The following MYOM1 variants were observed in gnomAD, a reference collection of about 807,000 sequenced individuals.
The protein encoded by MYOM1 is myomesin 1.
Under a neutral mutation model 205.3 loss-of-function variants are expected in MYOM1, and 164 were observed. The observed-to-expected ratio is 0.80, with a 90% CI of 0.70 to 0.91. The LOEUF (loss-of-function observed/expected upper bound fraction) is 0.91, where lower values mean the gene tolerates loss of function less well. Among genes scored for constraint, MYOM1 ranks in the 40% least tolerant of loss-of-function variants. The probability of loss-of-function intolerance (pLI) is 0.00; values close to 1 mark genes in which losing one functional copy is unlikely to be tolerated. For missense variants in MYOM1, 2,011 were observed against 2,127.3 expected, an observed-to-expected ratio of 0.95 and a Z score of 1.08; for synonymous variants, 772 against 789.4, an observed-to-expected ratio of 0.98 and a Z score of 0.37.
At chr18:3,166,297 G>A (rs918827020) in intron 9 of MYOM1, among the ~76,000 whole-genome samples, 10 of 144,606 alleles carry the variant, frequency 6.9e-5, no homozygotes, top group African/African-American at 1.3e-4. Context: ...TTGAGGCGGC[G>A]TCTCAGTCTG....
intron 36 of MYOM1, among the ~76,000 whole-genome samples, chr18:3,073,437 C>T (rs1187795114): frequency 2.0e-5 from 3 of 152,232 alleles, no homozygotes; most frequent in African/African-American, 7.2e-5. Context: ...GTCTACAATT[C>T]CCTTCTCCAT....
the MYOM1 span, chr18:3,247,342 C>T: frequency 9.8e-5 from 15 of 152,328 alleles, no homozygotes; most frequent in Non-Finnish European, 2.2e-4. Context: ...GGCGGAGACC[C>T]AGACCCCGCG....
chr18:3,162,278 C>T (rs1258015871), intron 10 of MYOM1, among the ~76,000 whole-genome samples: 1 of 152,176 alleles, frequency 6.6e-6, no homozygotes, highest in Non-Finnish European at 1.5e-5. Context: ...TTTATCTGGC[C>T]TGTAGAACCC....
chr18:3,193,361 T>TACATATATATACACACACACAC lies in MYOM1; in HGVS notation c.431+456_431+457insGTGTGTGTGTGTATATATATGT, dbSNP rs1598758731. ...ATGTACATATACATATATATATATATACACACACACACACACACACAATAA... is the reference window on the plus strand; with the variant it reads ...ATGTACATATACATATATATATATATACATATATATACACACACACACACACACACACACACACACACAATAA... On this transcript the variant is annotated intron_variant, in intron 3 of 37. Coordinates refer to ENST00000356443, the MANE Select transcript of MYOM1 (RefSeq NM_003803.4). Among the ~76,000 whole-genome samples the TACATATATATACACACACACAC allele has an allele frequency of 1.0e-3, 140 of 135,874 alleles. 2 individuals are homozygous for TACATATATATACACACACACAC. The South Asian group carries it at 0.016, about 16-fold the overall frequency. The allele number at this position is 135,874 out of a possible 152,430, so 89.1% of individuals were successfully genotyped here.
Position 3,129,534 on chromosome 18 carries a change from C to A in MYOM1, c.2507-15G>T. On this transcript the variant is annotated splice_polypyrimidine_tract_variant and intron_variant, in intron 17 of 37. Coordinates refer to ENST00000356443, the MANE Select transcript of MYOM1 (RefSeq NM_003803.4). ...CACTCCTCCCCCTACAGTTGCCAGA[C>A]AACAACAGAAACGCATTGAGCCCGG... 1 of 1,587,930 alleles carries A rather than the reference C, an allele frequency of 6.3e-7. No individual in the cohort carries two copies. The highest frequency in any genetic ancestry group is 8.5e-7 in the Non-Finnish European group (1 of 1,170,802).
At chr18:3,140,493 T>C (rs1041629984) in intron 14 of MYOM1, among the ~76,000 whole-genome samples, 8 of 152,346 alleles carry the variant, frequency 5.3e-5, no homozygotes, top group Middle Eastern at 6.8e-3. Context: ...AATATTGTCT[T>C]TGTAAAACAA....
intron 5 of MYOM1, among the ~76,000 whole-genome samples, chr18:3,180,548 CTTG>C (rs2080714808): frequency 6.6e-6 from 1 of 152,284 alleles, no homozygotes; most frequent in South Asian, 2.1e-4. Flanking sequence ...TACTTCACAG[CTTG>C]TTATTTCTAG....
At chr18:3,170,007 A>G (rs2080533246) in intron 8 of MYOM1, among the ~76,000 whole-genome samples, 1 of 152,230 alleles carries the variant, frequency 6.6e-6, no homozygotes, top group African/African-American at 2.4e-5. Context: ...ACATAGATGG[A>G]ACTAGAGGAC....
chr18:3,091,516 T>TTTAAA (rs2079226523), intron 26 of MYOM1, among the ~76,000 whole-genome samples: 1 of 151,996 alleles, frequency 6.6e-6, no homozygotes, highest in South Asian at 2.1e-4. Flanking sequence ...AGAATAATAA[T>TTTAAA]TTAAATAAAA....
chr18:3,089,991 A>T (rs952162673), intron 27 of MYOM1, among the ~76,000 whole-genome samples: 4 of 152,092 alleles, frequency 2.6e-5, no homozygotes, highest in Non-Finnish European at 4.4e-5. Flanking sequence ...AATTTACAGT[A>T]AGTACACGTG....
rs528552592 is a variant in MYOM1 at position 3,126,356 on chromosome 18, C to T, written c.2991+345G>A. ...TTTTTCCCCCTCAACTTGAGGGCTG[C>T]AGAAGGATCCTGGGACTCTTGAGGC... is the stretch of plus-strand genomic sequence containing the variant. On this transcript the variant is annotated intron_variant, in intron 19 of 37. Coordinates refer to ENST00000356443, the MANE Select transcript of MYOM1 (RefSeq NM_003803.4). Among the ~76,000 whole-genome samples, 11 of 148,234 alleles carry T rather than the reference C, an allele frequency of 7.4e-5. No individual in the cohort carries two copies. The South Asian group carries it at 2.1e-3, about 29-fold the overall frequency.
intron 3 of MYOM1, among the ~76,000 whole-genome samples, chr18:3,193,353 T>TAC (rs1216529037): frequency 2.9e-5 from 3 of 103,164 alleles, no homozygotes; most frequent in Non-Finnish European, 4.5e-5. Flanking sequence ...TATACATATA[T>TAC]ATATATATAC....
At chr18:3,168,701 G>A (rs1006580377) in intron 9 of MYOM1, 116 bp downstream of exon 9, 14 of 989,592 alleles carry the variant, frequency 1.4e-5, no homozygotes, top group African/African-American at 4.9e-5. Context: ...CCTTTTAATC[G>A]TGTAAAGGTA....
At chr18:3,193,112 T>G in intron 3 of MYOM1, among the ~76,000 whole-genome samples, 1 of 151,756 alleles carries the variant, frequency 6.6e-6, no homozygotes, top group Non-Finnish European at 1.5e-5. Flanking sequence ...CTACACATAA[T>G]TTTTTAAAAA....
At position 3,163,170 on chromosome 18, in the gene MYOM1, T is replaced by C. The variant is rs547267704; in HGVS notation, c.1501+1108A>G. 4.6e-5 allele frequency among the ~76,000 whole-genome samples: 7 copies of C among 152,342 alleles called. No homozygotes were observed. In the East Asian group the frequency reaches 7.7e-4, roughly 17 times the overall value. On this transcript the variant is annotated intron_variant, in intron 10 of 37. Transcript: ENST00000356443. Reference sequence around the variant, plus strand: ...AAACAGAGGCTATAAAGTTCAGTTATGGGCCAAGGGACCTGAAATGAAATA... The same window carrying C: ...AAACAGAGGCTATAAAGTTCAGTTACGGGCCAAGGGACCTGAAATGAAATA...
upstream of MYOM1, among the ~76,000 whole-genome samples, chr18:3,220,714 C>T (rs770922250): frequency 2.0e-5 from 3 of 152,166 alleles, no homozygotes. Flanking sequence ...CACTTAGTAG[C>T]CATGTAATCT....
At chr18:3,074,699 G>C (rs1181770904) in intron 36 of MYOM1, among the ~76,000 whole-genome samples, 1 of 152,200 alleles carries the variant, frequency 6.6e-6, no homozygotes, top group Non-Finnish European at 1.5e-5. Context: ...GCCTTATTTG[G>C]TAGCTTTTAT....
chr18:3,206,088 G>A (rs2081120232), intron 2 of MYOM1, among the ~76,000 whole-genome samples: 1 of 152,196 alleles, frequency 6.6e-6, no homozygotes, highest in Non-Finnish European at 1.5e-5. Flanking sequence ...ACACACTCGA[G>A]AGTGAGCTTC....
In MYOM1 at chr18:3,215,117, G is replaced by A. The variant is rs1230682929; in HGVS notation, c.107C>T (p.Ser36Phe). 2 of 1,613,902 alleles carry A rather than the reference G, an allele frequency of 1.2e-6. No homozygotes were observed. Among genetic ancestry groups the A allele is most frequent in the East Asian group, 2.2e-5 (1 of 44,868 alleles). The change falls in exon 2 of 38, where the codon TCC becomes TTC. Residue 36 changes from serine to phenylalanine, a missense_variant. By Grantham distance (155) the Ser-to-Phe change is radical. Transcript: ENST00000356443. Reference protein sequence around the residue: ...VSHYQREKKRSAVYTQGSTAY... With the variant: ...VSHYQREKKRFAVYTQGSTAY... ...CGTGGAGCCCTGGGTGTAGACGGCGGAGCGTTTCTTCTCCCGCTGGTAGTG... is the reference window on the plus strand; with the variant it reads ...CGTGGAGCCCTGGGTGTAGACGGCGAAGCGTTTCTTCTCCCGCTGGTAGTG...
Sources: gnomAD v4.1 joint callset for allele counts (sites outside exome capture counted in the v4.1 genomes callset) on GRCh38, gnomAD v4.1.1 for gene constraint, MANE v1.5 for transcripts, NCBI Gene and HGNC (gene_info 2026-07-23, HGNC 2026-07-21) for gene names.